The following CDH8 variants were observed in gnomAD, a reference collection of about 807,000 sequenced individuals.
CDH8 encodes cadherin 8, also known as cadherin-8.
CDH8 carries 17 observed loss-of-function variants against 68.1 expected under a neutral mutation model. The ratio of observed to expected loss-of-function variants is 0.25; its 90% CI spans 0.17 to 0.37. The LOEUF (loss-of-function observed/expected upper bound fraction) is 0.37. Ranked by LOEUF, CDH8 falls within the 10% of genes least tolerant of loss-of-function variation. The probability of loss-of-function intolerance (pLI) is 1.00; values close to 1 mark genes in which losing one functional copy is unlikely to be tolerated. For synonymous variants in CDH8, 372 were observed against 365.1 expected, an observed-to-expected ratio of 1.02 and a Z score of -0.21; for missense variants, 763 against 999.3, an observed-to-expected ratio of 0.76 and a Z score of 3.19.
At chr16:61,825,426 T>C (rs1190232111) in intron 4 of CDH8, among the ~76,000 whole-genome samples, 2 of 151,916 alleles carry the variant, frequency 1.3e-5, no homozygotes, top group African/African-American at 2.4e-5. Context: ...TGCAAAAATA[T>C]ACATTAGAAA....
chr16:61,757,824 A>G (rs1378605190), intron 8 of CDH8, among the ~76,000 whole-genome samples: 3 of 152,182 alleles, frequency 2.0e-5, no homozygotes, highest in African/African-American at 7.2e-5. Flanking sequence ...CATTCTGCAG[A>G]GACAAACTGA....
At chr16:61,893,370 G>A (rs1421700961) in intron 3 of CDH8, among the ~76,000 whole-genome samples, 2 of 151,926 alleles carry the variant, frequency 1.3e-5, no homozygotes, top group Non-Finnish European at 2.9e-5. Context: ...ATCAAGTTTT[G>A]GGGAACGCTA....
intron 10 of CDH8, among the ~76,000 whole-genome samples, chr16:61,699,881 A>G (rs1292364175): frequency 6.6e-6 from 1 of 152,114 alleles, no homozygotes; most frequent in Admixed American, 6.5e-5. Context: ...CGGCCCACCC[A>G]GCATTATTCT....
intron 2 of CDH8, among the ~76,000 whole-genome samples, chr16:61,942,902 C>G: frequency 6.6e-6 from 1 of 151,974 alleles, no homozygotes; most frequent in Non-Finnish European, 1.5e-5. Context: ...CAAAACCGCA[C>G]CTCTACAAAA....
intron 10 of CDH8, among the ~76,000 whole-genome samples, chr16:61,666,180 G>C (rs1407908595): frequency 3.0e-5 from 3 of 100,074 alleles, no homozygotes; most frequent in African/African-American, 7.9e-5. Context: ...CACATACTCT[G>C]TGTGTGTGTG....
chr16:61,836,666 G>A (rs1962576087), intron 4 of CDH8, among the ~76,000 whole-genome samples: 2 of 151,924 alleles, frequency 1.3e-5, no homozygotes, highest in Non-Finnish European at 1.5e-5. Context: ...TACGGTAGCT[G>A]TCACAATGAC....
chr16:61,932,412 A>G (rs996420675), intron 2 of CDH8, among the ~76,000 whole-genome samples: 1 of 152,172 alleles, frequency 6.6e-6, no homozygotes, highest in African/African-American at 2.4e-5. Context: ...TATTTGTTTC[A>G]CCAAATATAT....
intron 10 of CDH8, among the ~76,000 whole-genome samples, chr16:61,689,447 G>A (rs567395605): frequency 4.4e-4 from 67 of 152,048 alleles, no homozygotes; most frequent in African/African-American, 1.3e-3. Context: ...TCTCTTCTAA[G>A]TTGCTCCAGC....
intron 3 of CDH8, among the ~76,000 whole-genome samples, chr16:61,861,442 A>G (rs1963147861): frequency 6.6e-6 from 1 of 152,186 alleles, no homozygotes; most frequent in South Asian, 2.1e-4. Context: ...GATGATGAAC[A>G]TATCTATTTC....
intron 4 of CDH8, among the ~76,000 whole-genome samples, chr16:61,837,957 A>G (rs1962602901): frequency 6.6e-6 from 1 of 152,040 alleles, no homozygotes; most frequent in Non-Finnish European, 1.5e-5. Context: ...GAGGCAAAAA[A>G]CACTTAGAAC....
chr16:61,942,125 AT>A (rs1462033258), intron 2 of CDH8, among the ~76,000 whole-genome samples: 1 of 152,094 alleles, frequency 6.6e-6, no homozygotes, highest in Non-Finnish European at 1.5e-5. Flanking sequence ...CTAATTGATC[AT>A]TTTGATTTTT....
chr16:61,775,431 G>A (rs1471964997), intron 8 of CDH8, among the ~76,000 whole-genome samples: 4 of 151,674 alleles, frequency 2.6e-5, no homozygotes, highest in Admixed American at 6.6e-5. Context: ...CAGCATCCCC[G>A]TCTGAAGTAT....
At chr16:62,011,900 T>G (rs1453517782) in intron 2 of CDH8, among the ~76,000 whole-genome samples, 1 of 152,234 alleles carries the variant, frequency 6.6e-6, no homozygotes, top group African/African-American at 2.4e-5. Flanking sequence ...CACGCTCATA[T>G]CTTAACTGAG....
intron 8 of CDH8, among the ~76,000 whole-genome samples, chr16:61,759,376 AGAAGAG>A (rs1046430946): frequency 1.6e-4 from 25 of 151,728 alleles, no homozygotes; most frequent in East Asian, 5.8e-4. Flanking sequence ...AGGAGGAGGA[AGAAGAG>A]GAAGAGGAAG....
intron 10 of CDH8, among the ~76,000 whole-genome samples, chr16:61,688,102 T>G (rs1470667571): frequency 6.6e-6 from 1 of 152,008 alleles, no homozygotes; most frequent in Non-Finnish European, 1.5e-5. Flanking sequence ...TTCCCAGTAG[T>G]AACTTTTCCA....
chr16:61,975,405 C>T (rs1316686922), intron 2 of CDH8, among the ~76,000 whole-genome samples: 2 of 152,156 alleles, frequency 1.3e-5, no homozygotes, highest in African/African-American at 4.8e-5. Context: ...AGATTTAGAA[C>T]TCTGCTCTTC....
chr16:61,788,312 A>G (rs1961288166), intron 8 of CDH8, among the ~76,000 whole-genome samples: 1 of 152,100 alleles, frequency 6.6e-6, no homozygotes, highest in South Asian at 2.1e-4. Flanking sequence ...CCAGACAGTG[A>G]GTGAATTTTA....
chr16:61,808,427 C>T (rs372550172), intron 7 of CDH8, among the ~76,000 whole-genome samples: 8 of 152,278 alleles, frequency 5.3e-5, no homozygotes, highest in African/African-American at 9.6e-5. Context: ...TCACAGTATT[C>T]TTCAGGGTAC....
In CDH8 at chr16:61,985,822, T is replaced by C. The variant is rs117143703; in HGVS notation, c.252+35330A>G. On this transcript the variant is annotated intron_variant, in intron 2 of 11. Transcript: ENST00000577390. ...GAAAACATTGAAGCAATAATGTTTT[T>C]AGTGGATTTTTCTCAACCTTTGCAT... Among the ~76,000 whole-genome samples the C allele has an allele frequency of 4.4e-3, 672 of 151,984 alleles. 10 individuals carry two copies. The South Asian group carries it at 0.052, about 12-fold the overall frequency.
Sources: gnomAD v4.1 joint callset for allele counts (sites outside exome capture counted in the v4.1 genomes callset) on GRCh38, gnomAD v4.1.1 for gene constraint, MANE v1.5 for transcripts, NCBI Gene and HGNC (gene_info 2026-07-23, HGNC 2026-07-21) for gene names.